ADCY2: variants seen among roughly 807,000 people sequenced by gnomAD.
ADCY2 encodes the protein adenylate cyclase type 2.
ADCY2 carries 31 observed loss-of-function variants against 125.2 expected under a neutral mutation model. The ratio of observed to expected loss-of-function variants is 0.25; its 90% CI spans 0.19 to 0.33. ADCY2 has a LOEUF of 0.33. Among genes scored for constraint, ADCY2 ranks in the 10% least tolerant of loss-of-function variants. The pLI is 1.00. For missense variants in ADCY2, 904 were observed against 1,418.2 expected (o/e 0.64, Z 5.82); for synonymous variants, 512 against 548.4 (o/e 0.93, Z 0.93).
chr5:7,452,414 T>C (rs544717917), intron 2 of ADCY2, among the ~76,000 whole-genome samples: 10 of 152,242 alleles, frequency 6.6e-5, no homozygotes, highest in Non-Finnish European at 1.0e-4. Flanking sequence ...TTTATACAAG[T>C]TGCTTCAAAG....
intron 2 of ADCY2, among the ~76,000 whole-genome samples, chr5:7,480,381 G>C (rs1742684378): frequency 6.6e-6 from 1 of 152,156 alleles, no homozygotes; most frequent in Non-Finnish European, 1.5e-5. Context: ...ACTGGATAAA[G>C]AAAATATGGT....
chr5:7,428,916 T>C (rs1003888638), intron 2 of ADCY2, among the ~76,000 whole-genome samples: 9 of 152,146 alleles, frequency 5.9e-5, no homozygotes, highest in African/African-American at 2.2e-4. Context: ...AGAGCCCAGC[T>C]AATTGCACTG....
intron 4 of ADCY2, among the ~76,000 whole-genome samples, chr5:7,633,745 A>C (rs937305941): frequency 1.4e-4 from 21 of 152,176 alleles, no homozygotes; most frequent in African/African-American, 5.1e-4. Context: ...TTTTGTTGAT[A>C]ATAAGAAGCC....
rs541936131 is a variant in ADCY2, at chr5:7,514,478, G to A, written c.409-6260G>A. On this transcript the variant is annotated intron_variant, in intron 2 of 24. Transcript: ENST00000338316. ...TCAGGAATGGAACATGGGATGTGAA[G>A]TGGGCAGAAAATACTTGAGATCTAA... 3.3e-5 allele frequency among the ~76,000 whole-genome samples: 5 copies of A among 152,294 alleles called. No homozygotes were observed. The South Asian group carries it at 1.0e-3, about 32-fold the overall frequency.
At chr5:7,821,828 G>C (rs1039255663) in intron 24 of ADCY2, among the ~76,000 whole-genome samples, 2 of 152,208 alleles carry the variant, frequency 1.3e-5, no homozygotes, top group African/African-American at 4.8e-5. Context: ...GGAGCAGAAG[G>C]GGAAGGGAGT....
intron 4 of ADCY2, among the ~76,000 whole-genome samples, chr5:7,627,318 T>G (rs1738167187): frequency 6.6e-6 from 1 of 151,890 alleles, no homozygotes; most frequent in South Asian, 2.1e-4. Context: ...ATGGAGACAA[T>G]AGGAGATGTG....
intron 3 of ADCY2, among the ~76,000 whole-genome samples, chr5:7,543,540 T>C (rs747318871): frequency 8.5e-5 from 13 of 152,156 alleles, no homozygotes; most frequent in Non-Finnish European, 1.8e-4. Context: ...TCCCCAACAG[T>C]TAGTGAGTCC....
intron 3 of ADCY2, among the ~76,000 whole-genome samples, chr5:7,595,835 A>G (rs1280735613): frequency 6.6e-6 from 1 of 152,170 alleles, no homozygotes; most frequent in Non-Finnish European, 1.5e-5. Context: ...AATAGTTGGC[A>G]TACTCTATTG....
At chr5:7,428,000 C>T (rs541539150) in intron 2 of ADCY2, among the ~76,000 whole-genome samples, 1 of 152,304 alleles carries the variant, frequency 6.6e-6, no homozygotes, top group Admixed American at 6.5e-5. Flanking sequence ...AACTACAGAG[C>T]ATTTAACCAA....
intron 2 of ADCY2, among the ~76,000 whole-genome samples, chr5:7,500,790 A>G (rs1743531858): frequency 6.8e-6 from 1 of 146,638 alleles, no homozygotes; most frequent in African/African-American, 2.5e-5. Flanking sequence ...TGGCCCTAGA[A>G]AGTGAATGGA....
At chr5:7,652,092 G>A (rs1288591417) in intron 4 of ADCY2, among the ~76,000 whole-genome samples, 4 of 152,180 alleles carry the variant, frequency 2.6e-5, no homozygotes, top group African/African-American at 4.8e-5. Context: ...GTGAGCCCCC[G>A]CACCTGGCCT....
At chr5:7,559,298 T>C (rs968308497) in intron 3 of ADCY2, among the ~76,000 whole-genome samples, 2 of 152,236 alleles carry the variant, frequency 1.3e-5, no homozygotes, top group African/African-American at 4.8e-5. Context: ...TGATTCTTCC[T>C]ATCCAGAAGC....
At chr5:7,679,627 T>C (rs1447295483) in intron 4 of ADCY2, among the ~76,000 whole-genome samples, 1 of 152,204 alleles carries the variant, frequency 6.6e-6, no homozygotes, top group Non-Finnish European at 1.5e-5. Context: ...TCACTGGATG[T>C]GGACTGGTAA....
At chr5:7,782,616 A>G (rs1743953876) in intron 18 of ADCY2, among the ~76,000 whole-genome samples, 1 of 152,232 alleles carries the variant, frequency 6.6e-6, no homozygotes, top group African/African-American at 2.4e-5. Context: ...GATGTCATAG[A>G]TGCTTTTTCT....
intron 3 of ADCY2, among the ~76,000 whole-genome samples, chr5:7,573,802 C>T (rs1332140392): frequency 1.3e-5 from 2 of 148,878 alleles, no homozygotes; most frequent in Non-Finnish European, 1.5e-5. Context: ...GGTACATGTG[C>T]ACATTGTGCA....
At chr5:7,764,983 G>C (rs968325989) in intron 16 of ADCY2, among the ~76,000 whole-genome samples, 1 of 152,176 alleles carries the variant, frequency 6.6e-6, no homozygotes, top group African/African-American at 2.4e-5. Context: ...ATAAATACTA[G>C]AAAGACATAG....
chr5:7,578,796 C>T (rs752759284), intron 3 of ADCY2, among the ~76,000 whole-genome samples: 1 of 152,132 alleles, frequency 6.6e-6, no homozygotes, highest in Non-Finnish European at 1.5e-5. Context: ...ATGCTCCCAA[C>T]AGAGTAAGTT....
chr5:7,449,802 C>T (rs192802911), intron 2 of ADCY2, among the ~76,000 whole-genome samples: 23 of 152,302 alleles, frequency 1.5e-4, no homozygotes, highest in Non-Finnish European at 2.9e-4. Flanking sequence ...TTCCAACAAC[C>T]TGTGCTCACT....
intron 2 of ADCY2, among the ~76,000 whole-genome samples, chr5:7,485,239 A>C (rs1443435451): frequency 6.6e-6 from 1 of 152,228 alleles, no homozygotes; most frequent in African/African-American, 2.4e-5. Flanking sequence ...TAGAAAACAT[A>C]GACATATAAA....
Sources: gnomAD v4.1 joint callset for allele counts (sites outside exome capture counted in the v4.1 genomes callset) on GRCh38, gnomAD v4.1.1 for gene constraint, MANE v1.5 for transcripts, NCBI Gene and HGNC (gene_info 2026-07-23, HGNC 2026-07-21) for gene names.